MSH4: variants seen among roughly 807,000 people sequenced by gnomAD.
MSH4 encodes mutS homolog 4, also known as mutS protein homolog 4.
Under a neutral mutation model 113.7 loss-of-function variants are expected in MSH4, and 106 were observed. The ratio of observed to expected loss-of-function variants is 0.93; its 90% CI spans 0.80 to 1.10. The LOEUF is 1.10. Ranked by LOEUF, MSH4 falls within the 50% of genes least tolerant of loss-of-function variation. The probability of loss-of-function intolerance (pLI) is 0.00; values close to 1 mark genes in which losing one functional copy is unlikely to be tolerated. For synonymous variants in MSH4, 368 were observed against 380.2 expected (o/e 0.97, Z 0.37); for missense variants, 1,061 against 1,093.7 (o/e 0.97, Z 0.42).
Position 75,821,901 on chromosome 1 carries a change from G to A in MSH4, c.990-508G>A, listed in dbSNP as rs116916763. Among the ~76,000 whole-genome samples, 19 of 152,240 alleles carry A rather than the reference G, an allele frequency of 1.2e-4. No individual in the cohort carries two copies. The East Asian group carries it at 2.9e-3, about 23-fold the overall frequency. Reference sequence around the variant, plus strand: ...GTTGAGATTATAGGTGTGAGCAACCGTGCGTGGCCCAAAATGTAGAACCTC... The same window carrying A: ...GTTGAGATTATAGGTGTGAGCAACCATGCGTGGCCCAAAATGTAGAACCTC... On this transcript the variant is annotated intron_variant, in intron 6 of 19. Transcript: ENST00000263187.
chr1:75,865,780 G>A (rs1341335503), intron 8 of MSH4, among the ~76,000 whole-genome samples: 1 of 152,180 alleles, frequency 6.6e-6, no homozygotes, highest in Non-Finnish European at 1.5e-5. Flanking sequence ...ACAAGGCCAT[G>A]AAGATATTCT....
At chr1:75,800,154 G>A (rs977925021) in intron 1 of MSH4, among the ~76,000 whole-genome samples, 7 of 152,078 alleles carry the variant, frequency 4.6e-5, no homozygotes, top group Admixed American at 6.5e-5. Flanking sequence ...TCCAGTTTCC[G>A]CATCTCCAGT....
At chr1:75,833,554 AC>A (rs1650757804) in intron 7 of MSH4, among the ~76,000 whole-genome samples, 1 of 152,212 alleles carries the variant, frequency 6.6e-6, no homozygotes, top group Admixed American at 6.5e-5. Flanking sequence ...GCCTACAGTA[AC>A]CAAAACAGCA....
chr1:75,853,434 C>A (rs945504765), intron 8 of MSH4, among the ~76,000 whole-genome samples: 1 of 152,066 alleles, frequency 6.6e-6, no homozygotes, highest in Non-Finnish European at 1.5e-5. Flanking sequence ...ATGATGCGTT[C>A]TTCTCATTGC....
intron 8 of MSH4, among the ~76,000 whole-genome samples, chr1:75,866,761 A>G (rs527710893): frequency 1.3e-5 from 2 of 152,144 alleles, no homozygotes; most frequent in South Asian, 2.1e-4. Flanking sequence ...TGGCTGGATC[A>G]TCTGAGGTCA....
intron 9 of MSH4, among the ~76,000 whole-genome samples, chr1:75,876,344 C>T (rs1242445693): frequency 6.6e-6 from 1 of 151,694 alleles, no homozygotes; most frequent in Non-Finnish European, 1.5e-5. Flanking sequence ...TTTTATCTGT[C>T]TGTGCATATT....
intron 4 of MSH4, among the ~76,000 whole-genome samples, chr1:75,812,017 T>G (rs1040904306): frequency 1.3e-5 from 2 of 152,212 alleles, no homozygotes; most frequent in African/African-American, 4.8e-5. Flanking sequence ...ACTTTATACT[T>G]CTTTTCATTA....
intron 7 of MSH4, among the ~76,000 whole-genome samples, chr1:75,844,475 C>T (rs1048531160): frequency 2.0e-5 from 3 of 152,176 alleles, no homozygotes; most frequent in Non-Finnish European, 2.9e-5. Context: ...TACAGGTGGG[C>T]ACCATCCCAC....
chr1:75,884,381 C>A (rs541151640), intron 15 of MSH4, among the ~76,000 whole-genome samples: 1 of 152,174 alleles, frequency 6.6e-6, no homozygotes, highest in East Asian at 1.9e-4. Context: ...GGAGGCCCAG[C>A]TTAACTCCTA....
intron 12 of MSH4, 144 bp downstream of exon 12, chr1:75,879,272 G>A (rs1238998456): frequency 7.2e-6 from 5 of 695,066 alleles, no homozygotes; most frequent in African/African-American, 1.8e-5. Context: ...CCTAACTAAT[G>A]TACTAATCTA....
chr1:75,807,829 T>G (rs558989097), intron 3 of MSH4, among the ~76,000 whole-genome samples: 14 of 152,240 alleles, frequency 9.2e-5, no homozygotes, highest in African/African-American at 2.6e-4. Flanking sequence ...CTGAGTGGAC[T>G]AGGCGGTGAA....
intron 7 of MSH4, among the ~76,000 whole-genome samples, chr1:75,823,643 C>T (rs1256352824): frequency 6.6e-6 from 1 of 152,158 alleles, no homozygotes; most frequent in African/African-American, 2.4e-5. Flanking sequence ...CACCCACTGA[C>T]AGGCCCCAGT....
chr1:75,896,418 A>C, intron 17 of MSH4, among the ~76,000 whole-genome samples: 1 of 146,912 alleles, frequency 6.8e-6, no homozygotes, highest in African/African-American at 2.5e-5. Context: ...TTCTCTGGAG[A>C]ACCCCATCTA....
intron 3 of MSH4, among the ~76,000 whole-genome samples, chr1:75,807,681 A>G (rs1650098236): frequency 6.6e-6 from 1 of 152,206 alleles, no homozygotes; most frequent in Non-Finnish European, 1.5e-5. Context: ...GGAGATGCAT[A>G]GGGGTGCCAA....
chr1:75,844,139 A>G (rs1651027363), intron 7 of MSH4, among the ~76,000 whole-genome samples: 1 of 152,160 alleles, frequency 6.6e-6, no homozygotes. Flanking sequence ...GGATAACAGC[A>G]TGACACCACT....
At chr1:75,896,514 C>T (rs749011208) in intron 17 of MSH4, among the ~76,000 whole-genome samples, 2 of 151,730 alleles carry the variant, frequency 1.3e-5, no homozygotes, top group Non-Finnish European at 2.9e-5. Context: ...GTGGCATGAT[C>T]TCAGCTCACT....
At chr1:75,879,740 A>C (rs911912053) in intron 12 of MSH4, among the ~76,000 whole-genome samples, 2 of 152,130 alleles carry the variant, frequency 1.3e-5, no homozygotes, top group African/African-American at 4.8e-5. Flanking sequence ...GATGTCCATC[A>C]TGCGTGTTAC....
intron 15 of MSH4, among the ~76,000 whole-genome samples, chr1:75,888,537 T>A (rs1652176925): frequency 1.3e-5 from 2 of 152,032 alleles, no homozygotes; most frequent in South Asian, 2.1e-4. Context: ...ATCACAGATA[T>A]TTCTTTATAT....
intron 18 of MSH4, 109 bp downstream of exon 18, chr1:75,898,190 C>A: frequency 1.6e-6 from 1 of 625,980 alleles, no homozygotes; most frequent in Non-Finnish European, 2.6e-6. Flanking sequence ...TTTTCTCATT[C>A]TTTTGAGTGC....
Sources: gnomAD v4.1 joint callset for allele counts (sites outside exome capture counted in the v4.1 genomes callset) on GRCh38, gnomAD v4.1.1 for gene constraint, MANE v1.5 for transcripts, NCBI Gene and HGNC (gene_info 2026-07-23, HGNC 2026-07-21) for gene names.